NCOA1: variants seen among roughly 807,000 people sequenced by gnomAD.
NCOA1 encodes the protein Hin-2 protein.
In NCOA1, 35 loss-of-function variants were observed where a neutral mutation model predicts 150.9. The ratio of observed to expected loss-of-function variants is 0.23; its 90% CI spans 0.18 to 0.31. NCOA1 has a LOEUF of 0.31. NCOA1 is among the 10% of genes least tolerant of loss of function. NCOA1 has a pLI of 1.00. For missense variants in NCOA1, 1,491 were observed against 1,749.3 expected, an observed-to-expected ratio of 0.85 and a Z score of 2.63; for synonymous variants, 590 against 630.0, an observed-to-expected ratio of 0.94 and a Z score of 0.95.
chr2:24,518,529 G>C (rs1664298946), intron 1 of NCOA1, among the ~76,000 whole-genome samples: 1 of 151,980 alleles, frequency 6.6e-6, no homozygotes, highest in Non-Finnish European at 1.5e-5. Flanking sequence ...AAGGCATCCA[G>C]ATTGGCAAGG....
At chr2:24,533,310 C>T (rs1432010481) in intron 1 of NCOA1, among the ~76,000 whole-genome samples, 1 of 152,018 alleles carries the variant, frequency 6.6e-6, no homozygotes, top group Non-Finnish European at 1.5e-5. Context: ...TATCCTGAGA[C>T]TGCTGAAGTT....
intron 2 of NCOA1, among the ~76,000 whole-genome samples, chr2:24,568,480 T>C (rs1175982138): frequency 6.6e-6 from 1 of 152,182 alleles, no homozygotes; most frequent in African/African-American, 2.4e-5. Flanking sequence ...CTTGGGAGAA[T>C]TGAAGTAATA....
Position 24,707,667 on chromosome 2 carries a change from C to G in NCOA1, c.2197C>G (p.Leu733Val). The G allele has an allele frequency of 6.2e-7, 1 of 1,614,144 alleles. No individual in the cohort carries two copies. The highest frequency in any genetic ancestry group is 8.5e-7 in the Non-Finnish European group (1 of 1,179,984). ...GQVQGNSSIKLELDASKKKES... is the reference protein window; with the variant it reads ...GQVQGNSSIKVELDASKKKES... ...GGTACAAGGAAACTCCAGTATAAAA[C>G]TAGAACTGGATGCTTCAAAGAAAAA... Residue 733 changes from leucine to valine, a missense_variant, in exon 13 of 23, where the codon CTA becomes GTA. By Grantham distance (32) the Leu-to-Val change is conservative (BLOSUM62 1). Coordinates refer to ENST00000348332, the MANE Select transcript of NCOA1 (RefSeq NM_003743.5).
At position 24,728,466 on chromosome 2, in the gene NCOA1, A is replaced by C; in HGVS notation, c.2876A>C (p.Lys959Thr). 1 of 1,611,758 alleles carries C rather than the reference A, an allele frequency of 6.2e-7. No homozygotes were observed. Among genetic ancestry groups the C allele is most frequent in the Non-Finnish European group, 8.5e-7 (1 of 1,179,196 alleles). ...CTAGACAGAGCTCTGGGAATTGACA[A>C]ACTTGTTCAGGTATTTATTAAAGTC... ...AELDRALGID[K>T]LVQGGGLDVL... The change falls in exon 16 of 23, where the codon AAA (lysine) becomes ACA (threonine). Residue 959 changes from lysine (K) to threonine (T), a missense_variant. Lys to Thr is a moderately conservative substitution (Grantham distance 78). This residue lies in a region of NCOA1 where 485 missense variants were observed against 522.8 expected (regional missense o/e 0.93). Transcript: ENST00000348332.
intron 1 of NCOA1, among the ~76,000 whole-genome samples, chr2:24,549,957 T>C (rs1383549245): frequency 6.6e-5 from 10 of 152,202 alleles, no homozygotes; most frequent in Non-Finnish European, 1.3e-4. Context: ...ATCCGCCAGA[T>C]ACCCTAAATC....
At chr2:24,645,134 C>T (rs2148465164) in intron 4 of NCOA1, among the ~76,000 whole-genome samples, 1 of 152,172 alleles carries the variant, frequency 6.6e-6, no homozygotes, top group East Asian at 1.9e-4. Context: ...AATGCAAGGA[C>T]TGGAGGTACA....
chr2:24,729,836 G>A, intron 17 of NCOA1, 21 bp downstream of exon 17: 1 of 1,584,352 alleles, frequency 6.3e-7, no homozygotes, highest in Non-Finnish European at 8.6e-7. Flanking sequence ...TTGTTTAGCA[G>A]TTGATACTTT....
intron 3 of NCOA1, among the ~76,000 whole-genome samples, chr2:24,628,534 AC>A (rs1229581875): frequency 6.6e-6 from 1 of 152,204 alleles, no homozygotes; most frequent in Non-Finnish European, 1.5e-5. Context: ...AAATACCTAC[AC>A]GGAGCTTACA....
At chr2:24,535,188 C>G (rs1273107272) in intron 1 of NCOA1, among the ~76,000 whole-genome samples, 1 of 152,096 alleles carries the variant, frequency 6.6e-6, no homozygotes, top group East Asian at 1.9e-4. Context: ...GAATTGATCC[C>G]TTTACCATTA....
intron 3 of NCOA1, among the ~76,000 whole-genome samples, chr2:24,615,344 C>A (rs1212305307): frequency 2.0e-5 from 3 of 152,078 alleles, no homozygotes; most frequent in African/African-American, 7.2e-5. Flanking sequence ...TTATCACAGA[C>A]CTCTTATTAT....
intron 1 of NCOA1, among the ~76,000 whole-genome samples, chr2:24,517,721 G>A (rs1484300086): frequency 6.6e-6 from 1 of 152,196 alleles, no homozygotes; most frequent in South Asian, 2.1e-4. Flanking sequence ...CGTAGTTGTT[G>A]CTAGCTTTTT....
At chr2:24,614,531 A>G (rs1668789222) in intron 3 of NCOA1, among the ~76,000 whole-genome samples, 1 of 151,788 alleles carries the variant, frequency 6.6e-6, no homozygotes, top group South Asian at 2.1e-4. Flanking sequence ...CACCTAGCCC[A>G]TTTTCATTCT....
In NCOA1 at chr2:24,629,813, C is replaced by CATATATATATAT. The variant is rs1356211925; in HGVS notation, c.-174-14150_-174-14149insTATATATATATA. Among the ~76,000 whole-genome samples the CATATATATATAT allele has an allele frequency of 3.6e-3, 279 of 77,234 alleles. 1 individual carries two copies. Among genetic ancestry groups the CATATATATATAT allele is most frequent in the Admixed American group, 5.1e-3 (28 of 5,460 alleles). The allele number at this position is 77,234 out of a possible 152,430, so 50.7% of individuals were successfully genotyped here. A position where few individuals can be genotyped will look rare whatever the true frequency, so the allele number is the denominator to read the frequency against. ...GCCAGACACTGTTTTAAGTAACATA[C>CATATATATATAT]ATACATATATATATATATATATATA... On this transcript the variant is annotated intron_variant, in intron 3 of 22. Transcript: ENST00000348332.
intron 15 of NCOA1, among the ~76,000 whole-genome samples, chr2:24,728,103 A>G (rs1174726703): frequency 6.6e-6 from 1 of 152,232 alleles, no homozygotes; most frequent in East Asian, 1.9e-4. Flanking sequence ...TGACTGACAA[A>G]AGAATGAAAA....
chr2:24,714,608 G>T (rs945699362), intron 14 of NCOA1, among the ~76,000 whole-genome samples: 1 of 151,894 alleles, frequency 6.6e-6, no homozygotes, highest in Non-Finnish European at 1.5e-5. Context: ...GAAAAAAAGA[G>T]CAATAAACAT....
chr2:24,681,178 AC>A (rs1672144931), intron 7 of NCOA1, among the ~76,000 whole-genome samples: 1 of 152,240 alleles, frequency 6.6e-6, no homozygotes, highest in African/African-American at 2.4e-5. Flanking sequence ...AACCTGGCCA[AC>A]ATGGTAAAAC....
intron 2 of NCOA1, among the ~76,000 whole-genome samples, chr2:24,571,812 T>C (rs1666754150): frequency 6.6e-6 from 1 of 152,218 alleles, no homozygotes; most frequent in Non-Finnish European, 1.5e-5. Context: ...TAGCTTACTG[T>C]GTATCCAGAA....
At chr2:24,677,042 A>G (rs1039700386) in intron 7 of NCOA1, among the ~76,000 whole-genome samples, 2 of 152,206 alleles carry the variant, frequency 1.3e-5, no homozygotes, top group Non-Finnish European at 2.9e-5. Context: ...TCACACTGCT[A>G]TAAAGAATAC....
chr2:24,541,373 A>G (rs564302566), intron 1 of NCOA1, among the ~76,000 whole-genome samples: 9 of 152,304 alleles, frequency 5.9e-5, no homozygotes, highest in African/African-American at 1.4e-4. Context: ...TTACCAAAGG[A>G]TAAGAAAGGA....
Sources: allele counts gnomAD v4.1 joint callset (sites outside exome capture counted in the v4.1 genomes callset), GRCh38; gene constraint gnomAD v4.1.1; regional missense constraint gnomAD v4.1.1; transcripts MANE v1.5; gene names NCBI Gene and HGNC (gene_info 2026-07-23, HGNC 2026-07-21).